GADL1: variants seen among roughly 807,000 people sequenced by gnomAD.
GADL1 encodes the protein acidic amino acid decarboxylase GADL1.
In GADL1, 71 loss-of-function variants were observed where a neutral mutation model predicts 69.5. The ratio of observed to expected loss-of-function variants is 1.02; its 90% CI spans 0.84 to 1.25. The LOEUF (loss-of-function observed/expected upper bound fraction) is 1.25, where lower values mean the gene tolerates loss of function less well. GADL1 is among the 50% of genes most tolerant of loss of function. The probability of loss-of-function intolerance (pLI) is 0.00; values close to 1 mark genes in which losing one functional copy is unlikely to be tolerated. For missense variants in GADL1, 737 were observed against 631.8 expected, an observed-to-expected ratio of 1.17 and a Z score of -1.79; for synonymous variants, 254 against 214.4, an observed-to-expected ratio of 1.18 and a Z score of -1.62.
chr3:30,866,260 C>A (rs369025911), intron 1 of GADL1, among the ~76,000 whole-genome samples: 5 of 151,934 alleles, frequency 3.3e-5, no homozygotes, highest in East Asian at 3.9e-4. Flanking sequence ...GAGTTTGAGA[C>A]CAGCCTGGCA....
intron 13 of GADL1, among the ~76,000 whole-genome samples, chr3:30,780,305 T>C (rs946505649): frequency 6.6e-6 from 1 of 152,122 alleles, no homozygotes; most frequent in Non-Finnish European, 1.5e-5. Flanking sequence ...AACATCTCAG[T>C]AAACTTTTCT....
At chr3:30,876,586 T>C (rs1698579089) in intron 1 of GADL1, among the ~76,000 whole-genome samples, 1 of 151,778 alleles carries the variant, frequency 6.6e-6, no homozygotes, top group Admixed American at 6.6e-5. Context: ...AGAAACGGAG[T>C]AGAGTGTTTC....
At chr3:30,753,436 ATTTT>A (rs557278263) in intron 14 of GADL1, among the ~76,000 whole-genome samples, 11 of 151,474 alleles carry the variant, frequency 7.3e-5, no homozygotes, top group Non-Finnish European at 8.8e-5. Context: ...TCCTTAGTTT[ATTTT>A]TTAATTTTTA....
At chr3:30,804,749 A>G (rs937447407) in intron 11 of GADL1, among the ~76,000 whole-genome samples, 7 of 152,232 alleles carry the variant, frequency 4.6e-5, no homozygotes, top group African/African-American at 1.7e-4. Flanking sequence ...ACTGAGGTCT[A>G]TCTTCCTCAT....
chr3:30,826,402 A>G (rs757291637), intron 11 of GADL1, among the ~76,000 whole-genome samples: 3 of 152,036 alleles, frequency 2.0e-5, no homozygotes, highest in Non-Finnish European at 4.4e-5. Flanking sequence ...GGCTGCCAAG[A>G]TGAGTGAATT....
intron 1 of GADL1, among the ~76,000 whole-genome samples, chr3:30,883,521 G>A (rs751631861): frequency 2.6e-5 from 4 of 151,894 alleles, no homozygotes; most frequent in Non-Finnish European, 4.4e-5. Context: ...CTGTCTTTAT[G>A]CTAGTACCAC....
intron 14 of GADL1, among the ~76,000 whole-genome samples, chr3:30,761,753 A>AT (rs1349876554): frequency 6.6e-6 from 1 of 152,200 alleles, no homozygotes; most frequent in Non-Finnish European, 1.5e-5. Context: ...TAAGTAAAAA[A>AT]TCTGGAACAC....
chr3:30,769,415 G>T (rs1696364222), intron 14 of GADL1, among the ~76,000 whole-genome samples: 1 of 152,160 alleles, frequency 6.6e-6, no homozygotes, highest in Admixed American at 6.5e-5. Context: ...TACCTCCTTA[G>T]GTTACGCAAA....
intron 11 of GADL1, among the ~76,000 whole-genome samples, chr3:30,804,028 T>C (rs1426102060): frequency 6.6e-6 from 1 of 152,222 alleles, no homozygotes. Context: ...TTGCTTTATA[T>C]TGATATTAAT....
At chr3:30,871,876 C>T (rs938492005) in intron 1 of GADL1, among the ~76,000 whole-genome samples, 1 of 151,898 alleles carries the variant, frequency 6.6e-6, no homozygotes, top group Non-Finnish European at 1.5e-5. Flanking sequence ...ATACATAGTA[C>T]ATCATAAACC....
intron 1 of GADL1, among the ~76,000 whole-genome samples, chr3:30,872,286 C>T (rs1257599944): frequency 6.6e-6 from 1 of 151,934 alleles, no homozygotes; most frequent in Non-Finnish European, 1.5e-5. Flanking sequence ...GTGGTAGCTA[C>T]TGCACCACAG....
At chr3:30,740,917 A>T (rs1695607756) in intron 14 of GADL1, among the ~76,000 whole-genome samples, 1 of 140,702 alleles carries the variant, frequency 7.1e-6, no homozygotes, top group Non-Finnish European at 1.5e-5. Context: ...TATCTAATAT[A>T]TAAAAAACAA....
chr3:30,825,922 C>T (rs1469202698), intron 11 of GADL1, among the ~76,000 whole-genome samples: 1 of 151,832 alleles, frequency 6.6e-6, no homozygotes, highest in African/African-American at 2.4e-5. Context: ...ACATGTATCC[C>T]AGAACTTAAA....
chr3:30,818,194 T>A (rs1016254822), intron 11 of GADL1, among the ~76,000 whole-genome samples: 8 of 152,322 alleles, frequency 5.3e-5, no homozygotes, highest in African/African-American at 1.9e-4. Context: ...AAATGTGGAA[T>A]TAACACTGAG....
intron 1 of GADL1, among the ~76,000 whole-genome samples, chr3:30,893,928 CCAA>C (rs1456583075): frequency 2.6e-5 from 4 of 152,112 alleles, no homozygotes; most frequent in Non-Finnish European, 5.9e-5. Flanking sequence ...TCCTAAAACG[CCAA>C]CAACTAGTTA....
rs773188710 is a variant in GADL1 at position 30,844,423 on chromosome 3, C to T, written c.695G>A (p.Gly232Asp). ...TTCCACAAAGCAAACATTCTCAGTG[C>T]CAATCCCAAGAAAAGAGGCTGCCTT... ...MKKAASFLGI[G>D]TENVCFVETD... The change falls in exon 7 of 15, where the codon GGC (glycine) becomes GAC (aspartate). Residue 232 changes from glycine to aspartate, a missense_variant. By Grantham distance (94) the Gly-to-Asp change is moderately conservative. Coordinates refer to ENST00000282538, the MANE Select transcript of GADL1 (RefSeq NM_207359.3). The T allele has an allele frequency of 1.4e-5, 23 of 1,613,412 alleles. No individual in the cohort carries two copies. The highest frequency in any genetic ancestry group is 1.6e-4 in the Middle Eastern group (1 of 6,078).
intron 11 of GADL1, among the ~76,000 whole-genome samples, chr3:30,830,254 C>G (rs79804663): frequency 4.0e-5 from 6 of 151,864 alleles, no homozygotes; most frequent in East Asian, 1.9e-4. Context: ...CCTGCAAAGT[C>G]CCCCCCTGCC....
At chr3:30,853,440 C>T (rs1575235340) in intron 4 of GADL1, among the ~76,000 whole-genome samples, 1 of 152,146 alleles carries the variant, frequency 6.6e-6, no homozygotes, top group Non-Finnish European at 1.5e-5. Flanking sequence ...ACCATAATTT[C>T]ACTGATAATT....
intron 12 of GADL1, among the ~76,000 whole-genome samples, chr3:30,787,077 G>C (rs905557954): frequency 7.2e-5 from 11 of 152,102 alleles, no homozygotes; most frequent in African/African-American, 2.7e-4. Flanking sequence ...TTAGGGAAAA[G>C]AGCTAATGCA....
Sources: allele counts gnomAD v4.1 joint callset (sites outside exome capture counted in the v4.1 genomes callset), GRCh38; gene constraint gnomAD v4.1.1; transcripts MANE v1.5; gene names NCBI Gene and HGNC (gene_info 2026-07-23, HGNC 2026-07-21).